CARF: variants seen among roughly 807,000 people sequenced by gnomAD.
CARF encodes the protein calcium-responsive transcription factor.
A neutral mutation model predicts 82.0 loss-of-function variants in CARF; 57 were observed. The observed-to-expected ratio is 0.70, with a 90% CI of 0.56 to 0.87. CARF has a LOEUF of 0.87. Ranked by LOEUF, CARF falls within the 40% of genes least tolerant of loss-of-function variation. CARF has a pLI of 0.00. For missense variants in CARF, 771 were observed against 855.8 expected, an observed-to-expected ratio of 0.90 and a Z score of 1.24; for synonymous variants, 268 against 290.1, an observed-to-expected ratio of 0.92 and a Z score of 0.77.
At chr2:202,944,792 G>A (rs769081682) in intron 5 of CARF, among the ~76,000 whole-genome samples, 2 of 56,580 alleles carry the variant, frequency 3.5e-5, no homozygotes, top group Non-Finnish European at 8.3e-5. Context: ...GAAAGTTTGT[G>A]TTTTTTTTTT....
At chr2:202,919,620 A>G (rs1316975061) in intron 2 of CARF, among the ~76,000 whole-genome samples, 5 of 152,232 alleles carry the variant, frequency 3.3e-5, no homozygotes, top group Admixed American at 6.5e-5. Flanking sequence ...TTCAACTGGC[A>G]AAAGTTGAAA....
chr2:202,978,860 G>C (rs1034573687), intron 14 of CARF, among the ~76,000 whole-genome samples: 21 of 152,172 alleles, frequency 1.4e-4, no homozygotes, highest in African/African-American at 4.8e-4. Flanking sequence ...TATTAAGAAA[G>C]AGGTTGATGG....
At position 202,915,078 on chromosome 2, in the gene CARF, G is replaced by A. The variant is rs185401112; in HGVS notation, c.-330+1976G>A. Among the ~76,000 whole-genome samples, 657 of 151,780 alleles carry A rather than the reference G, an allele frequency of 4.3e-3. 7 individuals carry two copies. The highest frequency in any genetic ancestry group is 5.6e-3 in the Non-Finnish European group (379 of 67,950). The stretch of plus-strand genomic sequence containing the variant: ...TGTCGCGAGGCTGGAGTGCAGTGGC[G>A]CTATCTTAGCTCACTGCAACCTCCG... On this transcript the variant is annotated intron_variant, in intron 1 of 16. Coordinates refer to ENST00000438828, the MANE Select transcript of CARF (RefSeq NM_024744.17).
At chr2:202,948,235 A>T (rs1436142677) in intron 5 of CARF, among the ~76,000 whole-genome samples, 1 of 152,192 alleles carries the variant, frequency 6.6e-6, no homozygotes, top group Non-Finnish European at 1.5e-5. Flanking sequence ...TACCAGTACC[A>T]TGCTGTTTTG....
At chr2:202,978,169 G>A (rs992413427) in intron 14 of CARF, among the ~76,000 whole-genome samples, 4 of 152,068 alleles carry the variant, frequency 2.6e-5, no homozygotes, top group Admixed American at 2.0e-4. Context: ...TCTATAATGA[G>A]CATCTGACTG....
At chr2:202,930,315 G>A (rs1481007831) in intron 3 of CARF, among the ~76,000 whole-genome samples, 1 of 152,208 alleles carries the variant, frequency 6.6e-6, no homozygotes, top group African/African-American at 2.4e-5. Flanking sequence ...CCAAAGTGCT[G>A]GGATTACAGG....
At chr2:202,936,824 T>G (rs992718859) in intron 3 of CARF, among the ~76,000 whole-genome samples, 1 of 152,226 alleles carries the variant, frequency 6.6e-6, no homozygotes, top group Admixed American at 6.5e-5. Flanking sequence ...AATTTATCTG[T>G]TTTCTCTTTT....
At chr2:202,953,083 G>A (rs1391558727) in intron 6 of CARF, among the ~76,000 whole-genome samples, 2 of 152,052 alleles carry the variant, frequency 1.3e-5, no homozygotes, top group South Asian at 2.1e-4. Flanking sequence ...TTGGTGGCAT[G>A]ATCTCGGCTT....
chr2:202,974,882 CAGCG>C (rs1559276515), intron 13 of CARF, among the ~76,000 whole-genome samples: 1 of 151,494 alleles, frequency 6.6e-6, no homozygotes, highest in African/African-American at 2.4e-5. Context: ...CTGGGAGACT[CAGCG>C]AGACTCCATC....
chr2:202,912,280 C>G lies in CARF; in HGVS notation c.-1152C>G, dbSNP rs1304255461. 1 of 152,242 alleles carries G rather than the reference C, an allele frequency of 6.6e-6. No homozygotes were observed. The highest frequency in any genetic ancestry group is 2.4e-5 in the African/African-American group (1 of 41,460). 9.4% of individuals were successfully genotyped at this position (152,242 alleles called of 1,614,324 possible). A position where few individuals can be genotyped will look rare whatever the true frequency, so the allele number is the denominator to read the frequency against. On this transcript the variant is annotated 5_prime_UTR_variant, in exon 1 of 17. Transcript: ENST00000438828. ...GCGCGCTCCCGGTGGGGCGCGCCTG[C>G]GCATTATGCTGGTCTCCATGGCGGG...
intron 9 of CARF, among the ~76,000 whole-genome samples, chr2:202,966,775 T>C (rs2059570573): frequency 6.6e-6 from 1 of 152,216 alleles, no homozygotes; most frequent in African/African-American, 2.4e-5. Context: ...TTTCTTACCA[T>C]AATTATGGTA....
At chr2:202,983,141 A>C (rs2060335315) in intron 16 of CARF, among the ~76,000 whole-genome samples, 1 of 151,122 alleles carries the variant, frequency 6.6e-6, no homozygotes, top group Non-Finnish European at 1.5e-5. Context: ...TCAGCCTCCC[A>C]CTCCTCACGC....
At chr2:202,925,431 C>G (rs1200237944) in intron 3 of CARF, 1 of 302,536 alleles carries the variant, frequency 3.3e-6, no homozygotes, top group African/African-American at 2.2e-5. Flanking sequence ...AGGTCCGTGC[C>G]CAGTATGAGG....
chr2:202,960,856 G>C (rs1050289019), intron 8 of CARF, among the ~76,000 whole-genome samples: 9 of 150,614 alleles, frequency 6.0e-5, no homozygotes, highest in African/African-American at 9.7e-5. Flanking sequence ...ATCAGTTTCA[G>C]TAAAGGAGGC....
chr2:202,968,099 A>G (rs954946561), intron 10 of CARF, among the ~76,000 whole-genome samples: 2 of 152,172 alleles, frequency 1.3e-5, no homozygotes, highest in East Asian at 1.9e-4. Context: ...CACATCTCAC[A>G]TTATAAATAC....
intron 3 of CARF, among the ~76,000 whole-genome samples, chr2:202,941,059 A>G (rs1043102277): frequency 3.9e-5 from 6 of 152,036 alleles, no homozygotes; most frequent in African/African-American, 1.4e-4. Flanking sequence ...TATAGGTATA[A>G]TATATAAAAT....
At chr2:202,956,818 T>A (rs2059066489) in intron 8 of CARF, among the ~76,000 whole-genome samples, 1 of 152,156 alleles carries the variant, frequency 6.6e-6, no homozygotes, top group South Asian at 2.1e-4. Context: ...AGATGGAGTC[T>A]CGCTCTGTCA....
intron 6 of CARF, 56 bp from the exon 7 acceptor site, chr2:202,953,949 T>C (rs1239221002): frequency 2.7e-6 from 4 of 1,484,724 alleles, no homozygotes; most frequent in Non-Finnish European, 3.6e-6. Flanking sequence ...TTAGGTATAT[T>C]CTTATGGTCT....
chr2:202,919,172 CCT>C (rs1690321566), intron 2 of CARF, among the ~76,000 whole-genome samples: 1 of 152,122 alleles, frequency 6.6e-6, no homozygotes, highest in South Asian at 2.1e-4. Flanking sequence ...CTTTTCACTC[CCT>C]CAGGGTAGCT....
Sources: gnomAD v4.1 joint callset for allele counts (sites outside exome capture counted in the v4.1 genomes callset) on GRCh38, gnomAD v4.1.1 for gene constraint, MANE v1.5 for transcripts, NCBI Gene and HGNC (gene_info 2026-07-23, HGNC 2026-07-21) for gene names.